Variants in MAP3K9 observed in about 807,000 individuals in gnomAD.
The protein encoded by MAP3K9 is mixed lineage kinase 1 (tyr and ser/thr specificity).
In MAP3K9, 46 loss-of-function variants were observed where a neutral mutation model predicts 95.8. The ratio of observed to expected loss-of-function variants is 0.48; its 90% CI spans 0.38 to 0.61. The LOEUF is 0.61. MAP3K9 is among the 20% of genes least tolerant of loss of function. MAP3K9 has a pLI of 0.00. For missense variants in MAP3K9, 1,296 were observed against 1,474.3 expected, an observed-to-expected ratio of 0.88 and a Z score of 1.98; for synonymous variants, 533 against 593.8, an observed-to-expected ratio of 0.90 and a Z score of 1.49.
intron 8 of MAP3K9, among the ~76,000 whole-genome samples, chr14:70,737,606 A>T (rs916264273): frequency 6.6e-6 from 1 of 152,154 alleles, no homozygotes; most frequent in Non-Finnish European, 1.5e-5. Context: ...GTGAGATCTG[A>T]AAATAGTTCT....
chr14:70,738,331 C>T lies in MAP3K9; in HGVS notation c.1758G>A (p.Glu586=), dbSNP rs2054014679. Residue 586 remains glutamate (E), a synonymous_variant, in exon 8 of 12, where the codon GAG becomes GAA. Coordinates refer to ENST00000554752, the MANE Select transcript of MAP3K9 (RefSeq NM_001284230.2). ...TCTTCTTTGGGGCCCTCTTCTCCTC[C>T]TCCTCCCCTTCCTCCTTTGGGACGA... ...SSVVPKEEGE[E]EEKRAPKKKG... The T allele has an allele frequency of 6.2e-7, 1 of 1,614,008 alleles. No individual in the cohort carries two copies. The highest frequency in any genetic ancestry group is 1.7e-5 in the Admixed American group (1 of 59,992).
chr14:70,800,829 T>C lies in MAP3K9; in HGVS notation c.658A>G (p.Met220Val), dbSNP rs1418078621. 8 of 1,614,166 alleles carry C rather than the reference T, an allele frequency of 5.0e-6. No individual in the cohort carries two copies. The highest frequency in any genetic ancestry group is 1.7e-5 in the Admixed American group (1 of 60,018). ...AAAGGTCCTCCACGAGCAAACTCCA[T>C]GACCAAGCAGAGGTTGGGCTCCTTC... Reference protein sequence around the residue: ...CLKEPNLCLVMEFARGGPLNR... With the variant: ...CLKEPNLCLVVEFARGGPLNR... The change falls in exon 2 of 12, where the codon ATG becomes GTG. Residue 220 changes from methionine to valine, a missense_variant. Around this residue, in one of 5 missense-constraint regions of MAP3K9, gnomAD observed 338 missense variants for 363.4 expected, o/e 0.93. Transcript: ENST00000554752.
chr14:70,746,242 A>G (rs1172355890), intron 5 of MAP3K9, among the ~76,000 whole-genome samples: 1 of 152,224 alleles, frequency 6.6e-6, no homozygotes, highest in East Asian at 1.9e-4. Flanking sequence ...GATGACACCA[A>G]TGCATTCTCA....
chr14:70,794,858 T>C (rs1024882172), intron 2 of MAP3K9, among the ~76,000 whole-genome samples: 1 of 151,876 alleles, frequency 6.6e-6, no homozygotes, highest in African/African-American at 2.4e-5. Flanking sequence ...TTTGTATTTT[T>C]AGTAGAGACG....
intron 2 of MAP3K9, among the ~76,000 whole-genome samples, chr14:70,769,467 G>A (rs2054502216): frequency 6.6e-6 from 1 of 152,174 alleles, no homozygotes; most frequent in East Asian, 1.9e-4. Flanking sequence ...AACAAAAAAT[G>A]AAGCTGTGTG....
intron 3 of MAP3K9, among the ~76,000 whole-genome samples, chr14:70,754,628 T>C (rs2054273723): frequency 6.6e-6 from 1 of 152,048 alleles, no homozygotes; most frequent in Non-Finnish European, 1.5e-5. Flanking sequence ...CCCAGCACCA[T>C]GCCCGGCTAA....
chr14:70,764,493 A>C (rs940644541), intron 2 of MAP3K9, among the ~76,000 whole-genome samples: 2 of 152,020 alleles, frequency 1.3e-5, no homozygotes, highest in Non-Finnish European at 2.9e-5. Flanking sequence ...AACCTATGCC[A>C]TGTCCCCTTT....
chr14:70,730,188 G>T lies in MAP3K9; in HGVS notation c.*192C>A. ...GGCCACAGCCCCTCCAGTGGACACG[G>T]GTAGAAAGGCCCTGCAGGGCAGGAG... On this transcript the variant is annotated 3_prime_UTR_variant, in exon 12 of 12. Coordinates refer to ENST00000554752, the MANE Select transcript of MAP3K9 (RefSeq NM_001284230.2). The T allele has an allele frequency of 1.3e-6, 1 of 779,582 alleles. No homozygotes were observed. The highest frequency in any genetic ancestry group is 2.0e-6 in the Non-Finnish European group (1 of 507,690). The allele number at this position is 779,582 out of a possible 1,614,324, so 48.3% of individuals were successfully genotyped here.
At chr14:70,739,036 G>A in intron 7 of MAP3K9, among the ~76,000 whole-genome samples, 1 of 152,194 alleles carries the variant, frequency 6.6e-6, no homozygotes, top group East Asian at 1.9e-4. Context: ...AAAATATGGA[G>A]TATACGGAAG....
Position 70,794,990 on chromosome 14 carries a change from C to CTTTTTTTTTTTTTTT in MAP3K9, c.820+5662_820+5676dup, listed in dbSNP as rs572010694. Among the ~76,000 whole-genome samples, 51 of 76,816 alleles carry CTTTTTTTTTTTTTTT rather than the reference C, an allele frequency of 6.6e-4. 3 individuals carry two copies. The highest frequency in any genetic ancestry group is 1.9e-3 in the African/African-American group (36 of 18,862). The allele number at this position is 76,816 out of a possible 152,430, so 50.4% of individuals were successfully genotyped here. Reference sequence around the variant, plus strand: ...CCGTGACCAGCCTCTTTTTCTTTTCCTTTTTTTTTTTTTTTTTTTTTGAGA... The same window carrying CTTTTTTTTTTTTTTT: ...CCGTGACCAGCCTCTTTTTCTTTTCCTTTTTTTTTTTTTTTTTTTTTTTTTTTTTTTTTTTTGAGA... On this transcript the variant is annotated intron_variant, in intron 2 of 11. Transcript: ENST00000554752.
intron 3 of MAP3K9, among the ~76,000 whole-genome samples, chr14:70,752,067 C>G (rs1168989065): frequency 6.6e-6 from 1 of 152,166 alleles, no homozygotes; most frequent in African/African-American, 2.4e-5. Context: ...CCCAGTGAGG[C>G]CTTCAAATAC....
rs1304639823 is a variant in MAP3K9, at chr14:70,760,127, T to C, written c.1001+875A>G. 2.3e-5 allele frequency among the ~76,000 whole-genome samples: 3 copies of C among 128,642 alleles called. No homozygotes were observed. In the South Asian group the frequency reaches 7.9e-4, roughly 34 times the overall value. 84.4% of individuals were successfully genotyped at this position (128,642 alleles called of 152,430 possible). On this transcript the variant is annotated intron_variant, in intron 3 of 11. Coordinates refer to ENST00000554752, the MANE Select transcript of MAP3K9 (RefSeq NM_001284230.2). ...GAATAATAGCTCAATAAAGCTATTA[T>C]TTAAAATAAACGTGCACACACACAC...
At chr14:70,734,237 A>T in intron 10 of MAP3K9, 149 bp downstream of exon 10, 1 of 663,938 alleles carries the variant, frequency 1.5e-6, no homozygotes, top group South Asian at 1.8e-5. Flanking sequence ...ATGAGTTTCT[A>T]GAACACTGAA....
At chr14:70,763,185 C>T (rs1296175274) in intron 2 of MAP3K9, among the ~76,000 whole-genome samples, 1 of 152,308 alleles carries the variant, frequency 6.6e-6, no homozygotes, top group East Asian at 1.9e-4. Flanking sequence ...AATGTTTTAT[C>T]AAATTTTGGT....
chr14:70,734,152 C>T (rs973065293), intron 10 of MAP3K9, among the ~76,000 whole-genome samples: 85 of 152,354 alleles, frequency 5.6e-4, no homozygotes, highest in African/African-American at 1.9e-3. Flanking sequence ...CCCTAATAAA[C>T]TTCCTTTTGG....
chr14:70,749,883 T>C (rs763742524), intron 4 of MAP3K9, 50 bp downstream of exon 4: 88 of 1,611,480 alleles, frequency 5.5e-5, no homozygotes, highest in Middle Eastern at 1.6e-4. Flanking sequence ...TACCCAGTGC[T>C]TACAAGAGGC....
rs144649732 is a variant in MAP3K9 at position 70,743,712 on chromosome 14, C to A, written c.1327-1121G>T. ...AGTAAAAAGTCAGAAAACAAAGATG[C>A]TGGAGAGGATGTGGAGAAACAGGAA... is the stretch of plus-strand genomic sequence containing the variant. On this transcript the variant is annotated intron_variant, in intron 5 of 11. Coordinates refer to ENST00000554752, the MANE Select transcript of MAP3K9 (RefSeq NM_001284230.2). 6.0e-3 allele frequency among the ~76,000 whole-genome samples: 917 copies of A among 152,222 alleles called. 10 individuals carry two copies. The highest frequency in any genetic ancestry group is 0.021 in the African/African-American group (875 of 41,550).
chr14:70,751,023 C>T (rs1284041744), intron 3 of MAP3K9, among the ~76,000 whole-genome samples: 1 of 148,656 alleles, frequency 6.7e-6, no homozygotes, highest in Non-Finnish European at 1.5e-5. Context: ...TAGATTTCTG[C>T]CCCCAGATCA....
At chr14:70,773,812 T>C (rs1273395109) in intron 2 of MAP3K9, among the ~76,000 whole-genome samples, 1 of 152,250 alleles carries the variant, frequency 6.6e-6, no homozygotes, top group Admixed American at 6.5e-5. Flanking sequence ...AGAGATGTCT[T>C]GCCAATCACT....
Sources: allele counts gnomAD v4.1 joint callset (sites outside exome capture counted in the v4.1 genomes callset), GRCh38; gene constraint gnomAD v4.1.1; regional missense constraint gnomAD v4.1.1; transcripts MANE v1.5; gene names NCBI Gene and HGNC (gene_info 2026-07-23, HGNC 2026-07-21).